Variants in ITPK1 observed in about 807,000 individuals in gnomAD.
ITPK1 encodes the protein inositol 1,3,4-trisphosphate 5/6-kinase.
Under a neutral mutation model 45.3 loss-of-function variants are expected in ITPK1, and 21 were observed. The ratio of observed to expected loss-of-function variants is 0.46; its 90% CI spans 0.33 to 0.67. The LOEUF is 0.67. Ranked by LOEUF, ITPK1 falls within the 30% of genes least tolerant of loss-of-function variation. The pLI, the probability that ITPK1 is intolerant of heterozygous loss-of-function variation, is 0.02. For synonymous variants in ITPK1, 258 were observed against 253.6 expected (o/e 1.02, Z -0.16); for missense variants, 474 against 573.5 (o/e 0.83, Z 1.77).
chr14:93,010,622 A>C (rs1354250807), intron 4 of ITPK1, among the ~76,000 whole-genome samples: 2 of 152,248 alleles, frequency 1.3e-5, no homozygotes, highest in African/African-American at 4.8e-5. Context: ...GTTTGGGGAC[A>C]CTTTCATAAT....
At chr14:92,974,092 C>G (rs893315310) in intron 5 of ITPK1, among the ~76,000 whole-genome samples, 11 of 152,316 alleles carry the variant, frequency 7.2e-5, no homozygotes, top group African/African-American at 2.6e-4. Context: ...CCCTGTGCCT[C>G]CAGGGTACAT....
chr14:92,938,340 C>T lies in ITPK1; in HGVS notation c.*3221G>A, dbSNP rs1467177477. On this transcript the variant is annotated 3_prime_UTR_variant, in exon 11 of 11. Transcript: ENST00000267615. ...CCATTCAGCAGTTGTGGCCAGTGGC[C>T]AATGTGAGTGCCCAAGAGCCAAGAA... The T allele has an allele frequency of 4.3e-6, 3 of 694,714 alleles. No individual in the cohort carries two copies. The African/African-American group carries it at 5.3e-5, about 12-fold the overall frequency. The allele number at this position is 694,714 out of a possible 1,614,324, so 43.0% of individuals were successfully genotyped here. A position where few individuals can be genotyped will look rare whatever the true frequency, so the allele number is the denominator to read the frequency against.
At chr14:92,977,806 T>G (rs1224101414) in intron 5 of ITPK1, among the ~76,000 whole-genome samples, 1 of 151,932 alleles carries the variant, frequency 6.6e-6, no homozygotes, top group African/African-American at 2.4e-5. Flanking sequence ...AAAACTCTTT[T>G]CTTCATAAAT....
intron 5 of ITPK1, among the ~76,000 whole-genome samples, chr14:92,990,976 G>A (rs1886753373): frequency 6.6e-6 from 1 of 152,124 alleles, no homozygotes; most frequent in African/African-American, 2.4e-5. Flanking sequence ...GCTGTCCAGA[G>A]TCTCTGAAAA....
intron 2 of ITPK1, among the ~76,000 whole-genome samples, chr14:93,087,917 G>A (rs1200027142): frequency 6.6e-6 from 1 of 152,242 alleles, no homozygotes; most frequent in Non-Finnish European, 1.5e-5. Flanking sequence ...CCCAGGGAAG[G>A]GATGTGGGGG....
At chr14:93,042,386 G>T (rs574163270) in intron 3 of ITPK1, among the ~76,000 whole-genome samples, 1 of 152,162 alleles carries the variant, frequency 6.6e-6, no homozygotes, top group African/African-American at 2.4e-5. Flanking sequence ...CCTTGATGCT[G>T]GGGGTTTTGG....
chr14:93,100,705 G>T (rs1892281741), intron 2 of ITPK1, among the ~76,000 whole-genome samples: 1 of 152,052 alleles, frequency 6.6e-6, no homozygotes, highest in Non-Finnish European at 1.5e-5. Flanking sequence ...CAGCACTGAG[G>T]CTCCTGTCAG....
intron 4 of ITPK1, among the ~76,000 whole-genome samples, chr14:92,999,523 A>G (rs1218487195): frequency 6.6e-6 from 1 of 152,174 alleles, no homozygotes; most frequent in Admixed American, 6.5e-5. Flanking sequence ...TCTCTCCTCC[A>G]GTGGGTGGGG....
intron 5 of ITPK1, among the ~76,000 whole-genome samples, chr14:92,988,959 G>C (rs1299168320): frequency 6.6e-6 from 1 of 152,130 alleles, no homozygotes; most frequent in South Asian, 2.1e-4. Context: ...GGGTTGGAGG[G>C]GTGGCGGTGG....
chr14:92,952,109 A>C, intron 8 of ITPK1, 96 bp from the exon 9 acceptor site: 1 of 985,826 alleles, frequency 1.0e-6, no homozygotes, highest in Admixed American at 2.0e-5. Flanking sequence ...CCCCAGGCAC[A>C]CAACACGTGG....
chr14:93,097,563 T>G (rs537522399), intron 2 of ITPK1, among the ~76,000 whole-genome samples: 1 of 152,364 alleles, frequency 6.6e-6, no homozygotes, highest in East Asian at 1.9e-4. Flanking sequence ...GAAAAAATGC[T>G]TATTGCTTAA....
intron 8 of ITPK1, among the ~76,000 whole-genome samples, chr14:92,957,805 C>T (rs923906828): frequency 1.1e-4 from 16 of 152,222 alleles, no homozygotes; most frequent in Admixed American, 2.6e-4. Context: ...GATGGCTCAG[C>T]GGGAGACAGC....
chr14:93,009,617 C>CA (rs1213269964), intron 4 of ITPK1, among the ~76,000 whole-genome samples: 1 of 152,216 alleles, frequency 6.6e-6, no homozygotes, highest in Non-Finnish European at 1.5e-5. Context: ...CTGTCTCCAC[C>CA]ACAGGAGGAG....
Position 92,946,482 on chromosome 14 carries a change from G to T in ITPK1, c.750C>A (p.Ile250=), listed in dbSNP as rs775490146. The change falls in exon 10 of 11, where the codon ATC becomes ATA. Residue 250 remains isoleucine, a synonymous_variant. Transcript: ENST00000267615. ...SSSVLTELDK[I]EGVFERPSDE... Reference sequence around the variant, plus strand: ...CGCTCGGCCGCTCGAACACGCCCTCGATCTTGTCCAGCTGCCAACATACAC... The same window carrying T: ...CGCTCGGCCGCTCGAACACGCCCTCTATCTTGTCCAGCTGCCAACATACAC... 1.2e-6 allele frequency: 2 copies of T among 1,612,588 alleles called. No individual in the cohort carries two copies. The highest frequency in any genetic ancestry group is 4.5e-5 in the East Asian group (2 of 44,880).
intron 2 of ITPK1, among the ~76,000 whole-genome samples, chr14:93,079,939 T>C (rs1344339588): frequency 6.6e-6 from 1 of 152,188 alleles, no homozygotes; most frequent in Non-Finnish European, 1.5e-5. Flanking sequence ...GTGTGCAATA[T>C]GTTTCCGGCT....
Position 93,020,599 on chromosome 14 carries a change from G to A in ITPK1, c.121-3798C>T, listed in dbSNP as rs895245761. On this transcript the variant is annotated intron_variant, in intron 3 of 10. Coordinates refer to ENST00000267615, the MANE Select transcript of ITPK1 (RefSeq NM_014216.6). ...ACAGCCCCAGAACCCTTTGCACGTC[G>A]CTCCAGGATTGCACCGTAACCCCAG... Among the ~76,000 whole-genome samples the A allele has an allele frequency of 3.9e-5, 6 of 152,234 alleles. No individual in the cohort carries two copies. In the East Asian group the frequency reaches 7.7e-4, roughly 20 times the overall value.
chr14:92,955,990 C>T lies in ITPK1; in HGVS notation c.670+2211G>A, dbSNP rs111954006. On this transcript the variant is annotated intron_variant, in intron 8 of 10. Coordinates refer to ENST00000267615, the MANE Select transcript of ITPK1 (RefSeq NM_014216.6). ...CCACGTTAGCTCCCTGGCACAGTGC[C>T]CTAGAGATGGGGACACAGAATCAGC... is the stretch of plus-strand genomic sequence containing the variant. Among the ~76,000 whole-genome samples the T allele has an allele frequency of 4.9e-4, 75 of 152,324 alleles. 1 individual carries two copies. Among genetic ancestry groups the T allele is most frequent in the Admixed American group, 3.3e-3 (50 of 15,302 alleles).
chr14:92,974,955 G>A (rs972699180), intron 5 of ITPK1, among the ~76,000 whole-genome samples: 2 of 152,238 alleles, frequency 1.3e-5, no homozygotes, highest in South Asian at 2.1e-4. Flanking sequence ...CACAGCTTCA[G>A]GGCACAGGGG....
intron 3 of ITPK1, among the ~76,000 whole-genome samples, chr14:93,018,533 G>GAA (rs112033187): frequency 1.3e-5 from 2 of 149,414 alleles, no homozygotes; most frequent in African/African-American, 4.9e-5. Flanking sequence ...CCCCTATATA[G>GAA]AAAAAAAAAA....
Sources: gnomAD v4.1 joint callset for allele counts (sites outside exome capture counted in the v4.1 genomes callset) on GRCh38, gnomAD v4.1.1 for gene constraint, MANE v1.5 for transcripts, NCBI Gene and HGNC (gene_info 2026-07-23, HGNC 2026-07-21) for gene names.